Variants in LDLRAD4 observed in about 807,000 individuals in gnomAD.
LDLRAD4 encodes the protein low-density lipoprotein receptor class A domain-containing protein 4.
In LDLRAD4, 5 loss-of-function variants were observed where a neutral mutation model predicts 17.0. The ratio of observed to expected loss-of-function variants is 0.29; its 90% CI spans 0.15 to 0.62. The LOEUF (loss-of-function observed/expected upper bound fraction) is 0.62, where lower values mean the gene tolerates loss of function less well. Ranked by LOEUF, LDLRAD4 falls within the 20% of genes least tolerant of loss-of-function variation. The pLI is 0.84. For missense variants in LDLRAD4, 340 were observed against 424.7 expected (o/e 0.80, Z 1.75); for synonymous variants, 168 against 171.8 (o/e 0.98, Z 0.17).
At chr18:13,370,004 T>C (rs888787163) in intron 1 of LDLRAD4, among the ~76,000 whole-genome samples, 4 of 152,186 alleles carry the variant, frequency 2.6e-5, no homozygotes, top group African/African-American at 9.7e-5. Context: ...CTAGAATGCG[T>C]CTCCATTAGC....
intron 2 of LDLRAD4, among the ~76,000 whole-genome samples, chr18:13,425,360 G>T (rs189522914): frequency 2.2e-3 from 336 of 152,282 alleles, no homozygotes; most frequent in Non-Finnish European, 3.5e-3. Flanking sequence ...TACTTTCAGT[G>T]TGCATTTTGG....
chr18:13,643,336 C>T (rs746630040), intron 4 of LDLRAD4, 23 bp from the exon 6 acceptor site: 1 of 1,465,554 alleles, frequency 6.8e-7, no homozygotes, highest in Middle Eastern at 1.8e-4. Context: ...TCCCCCCACT[C>T]TCCTCCCCTT....
intron 1 of LDLRAD4, among the ~76,000 whole-genome samples, chr18:13,384,033 T>G (rs1333032278): frequency 6.6e-6 from 1 of 152,338 alleles, no homozygotes; most frequent in East Asian, 1.9e-4. Context: ...CCTGCTTTTG[T>G]TGGGAACCGC....
chr18:13,419,510 T>C (rs2089251763), intron 2 of LDLRAD4: 1 of 152,190 alleles, frequency 6.6e-6, no homozygotes, highest in African/African-American at 2.4e-5. Flanking sequence ...GAGAGTCTTT[T>C]AAGTTCTTTA....
chr18:13,579,602 C>T (rs535637844), intron 3 of LDLRAD4, among the ~76,000 whole-genome samples: 1 of 152,304 alleles, frequency 6.6e-6, no homozygotes, highest in South Asian at 2.1e-4. Context: ...TAAAGTCTTC[C>T]TGGGATCATA....
In LDLRAD4 at chr18:13,544,515, G is replaced by A. The variant is rs889008631; in HGVS notation, c.182-76602G>A. Among the ~76,000 whole-genome samples, 6 of 152,168 alleles carry A rather than the reference G, an allele frequency of 3.9e-5. No individual in the cohort carries two copies. In the South Asian group the frequency reaches 8.3e-4, roughly 21 times the overall value. On this transcript the variant is annotated intron_variant, in intron 3 of 5. Transcript: ENST00000359446. ...AAATTGTGAAATCAACCCATCAGTC[G>A]GCCCAGGACTGGCTCACCTTGAGTG...
chr18:13,237,178 C>T (rs2042379167), intron 1 of LDLRAD4, among the ~76,000 whole-genome samples: 1 of 152,226 alleles, frequency 6.6e-6, no homozygotes. Flanking sequence ...GTCCTGCTCC[C>T]TCATCTTGAA....
intron 1 of LDLRAD4, among the ~76,000 whole-genome samples, chr18:13,314,474 AC>A (rs1170090498): frequency 1.3e-5 from 2 of 152,238 alleles, no homozygotes; most frequent in Non-Finnish European, 2.9e-5. Context: ...TACCCTGTAG[AC>A]CGACATTCCC....
In LDLRAD4 at chr18:13,367,217, G is replaced by T. The variant is rs11663785; in HGVS notation, c.-382-20124G>T. 6.6e-6 allele frequency among the ~76,000 whole-genome samples: 1 copy of T among 152,080 alleles called. No homozygotes were observed. The highest frequency in any genetic ancestry group is 1.5e-5 in the Non-Finnish European group (1 of 68,006). On this transcript the variant is annotated intron_variant, in intron 1 of 5. Transcript: ENST00000359446. The surrounding 1 kb of genome is among the most constrained non-coding windows in gnomAD (Gnocchi z 4.1). ...CCCCACTCCGTTACAACCAGTGGAG[G>T]TGGAACTTGGAATCTTTGAAATAAA...
intron 3 of LDLRAD4, chr18:13,612,553 C>T: frequency 4.8e-6 from 7 of 1,450,692 alleles, no homozygotes; most frequent in Admixed American, 2.5e-5. Context: ...ACACCCCCCC[C>T]CCCTCCACGC....
At chr18:13,500,142 A>G (rs2093587906) in intron 3 of LDLRAD4, among the ~76,000 whole-genome samples, 1 of 152,202 alleles carries the variant, frequency 6.6e-6, no homozygotes, top group African/African-American at 2.4e-5. Context: ...TGTTTAGGAA[A>G]GGTTGCTAGG....
At chr18:13,359,090 C>G (rs1299713635) in intron 1 of LDLRAD4, among the ~76,000 whole-genome samples, 5 of 152,196 alleles carry the variant, frequency 3.3e-5, no homozygotes, top group Non-Finnish European at 7.3e-5. Flanking sequence ...GTGTTTTCAT[C>G]AGTGCACGTG....
chr18:13,631,076 A>T (rs755840744), intron 4 of LDLRAD4, among the ~76,000 whole-genome samples: 8 of 152,238 alleles, frequency 5.3e-5, no homozygotes, highest in Non-Finnish European at 1.2e-4. Context: ...GCACACGTGG[A>T]CGCATGGCAG....
intron 4 of LDLRAD4, among the ~76,000 whole-genome samples, chr18:13,632,267 C>T (rs2041729962): frequency 6.6e-6 from 1 of 152,364 alleles, no homozygotes; most frequent in African/African-American, 2.4e-5. Flanking sequence ...CTTCCCCTGG[C>T]AGGCTGCGCT....
At chr18:13,612,516 G>A in intron 3 of LDLRAD4, 1 of 1,423,330 alleles carries the variant, frequency 7.0e-7, no homozygotes, top group Non-Finnish European at 9.2e-7. Context: ...ATACAGTAGA[G>A]AGAGAGTGAA....
intron 3 of LDLRAD4, chr18:13,520,683 TC>T (rs2093939574): frequency 6.6e-6 from 1 of 152,130 alleles, no homozygotes; most frequent in African/African-American, 2.4e-5. Flanking sequence ...GGAGACCTCG[TC>T]TCTACTAAAA....
chr18:13,537,520 G>T (rs1158439478), intron 3 of LDLRAD4, among the ~76,000 whole-genome samples: 1 of 152,180 alleles, frequency 6.6e-6, no homozygotes, highest in African/African-American at 2.4e-5. Context: ...ATCTAATGCT[G>T]CTGCTGATCT....
chr18:13,312,471 A>G (rs2047292651), intron 1 of LDLRAD4, among the ~76,000 whole-genome samples: 1 of 152,210 alleles, frequency 6.6e-6, no homozygotes, highest in South Asian at 2.1e-4. Context: ...GTTGAGGGCC[A>G]GGCGCAGTGG....
At chr18:13,473,322 C>T (rs953708075) in intron 3 of LDLRAD4, among the ~76,000 whole-genome samples, 1 of 152,142 alleles carries the variant, frequency 6.6e-6, no homozygotes, top group African/African-American at 2.4e-5. Context: ...AGGCATTTAT[C>T]CCATAGTCTA....
Sources: gnomAD v4.1 joint callset for allele counts (sites outside exome capture counted in the v4.1 genomes callset) on GRCh38, gnomAD v4.1.1 for gene constraint, Gnocchi (gnomAD v3.1) non-coding constraint, MANE v1.5 for transcripts, NCBI Gene and HGNC (gene_info 2026-07-23, HGNC 2026-07-21) for gene names.